Variants in ME3 observed in about 807,000 individuals in gnomAD.
The protein encoded by ME3 is malic enzyme 3, also known as NADP-dependent malic enzyme, mitochondrial.
In ME3, 48 loss-of-function variants were observed where a neutral mutation model predicts 68.9. The observed-to-expected ratio is 0.70, with a 90% CI of 0.55 to 0.89. ME3 has a LOEUF of 0.89. ME3 is among the 40% of genes least tolerant of loss of function. ME3 has a pLI of 0.00. For synonymous variants in ME3, 320 were observed against 318.8 expected, an observed-to-expected ratio of 1.00 and a Z score of -0.04; for missense variants, 675 against 797.4, an observed-to-expected ratio of 0.85 and a Z score of 1.85.
chr11:86,531,411 C>T (rs200026450), intron 4 of ME3, among the ~76,000 whole-genome samples: 6,890 of 152,188 alleles, frequency 0.045, 164 homozygotes, highest in South Asian at 0.099. Context: ...GGACTGTAAA[C>T]TAGTTCAACC....
intron 7 of ME3, among the ~76,000 whole-genome samples, chr11:86,465,653 A>G (rs1164840480): frequency 1.3e-5 from 2 of 151,902 alleles, no homozygotes; most frequent in African/African-American, 2.4e-5. Flanking sequence ...TCCTCCAAAT[A>G]TCTCTCTTGC....
At chr11:86,590,035 A>C (rs1374148417) in intron 2 of ME3, among the ~76,000 whole-genome samples, 1 of 152,114 alleles carries the variant, frequency 6.6e-6, no homozygotes, top group East Asian at 1.9e-4. Flanking sequence ...AGCACTTTAT[A>C]TCTCTTCTGC....
chr11:86,504,000 C>T (rs777786900), intron 5 of ME3, among the ~76,000 whole-genome samples: 2 of 152,234 alleles, frequency 1.3e-5, no homozygotes, highest in Non-Finnish European at 2.9e-5. Context: ...CTGGCCCGCC[C>T]CCTCCTTCCT....
chr11:86,609,144 T>A (rs760159903), intron 2 of ME3, among the ~76,000 whole-genome samples: 27 of 152,360 alleles, frequency 1.8e-4, no homozygotes, highest in Non-Finnish European at 3.7e-4. Flanking sequence ...TAGTGATGCC[T>A]GGATTTGAAC....
At chr11:86,578,312 A>G (rs896002420) in intron 2 of ME3, among the ~76,000 whole-genome samples, 1 of 152,194 alleles carries the variant, frequency 6.6e-6, no homozygotes, top group African/African-American at 2.4e-5. Context: ...GCAGCAGAGA[A>G]CAAGGGAAGT....
intron 2 of ME3, among the ~76,000 whole-genome samples, chr11:86,611,935 ATTTT>A (rs1390236955): frequency 2.0e-5 from 3 of 151,908 alleles, no homozygotes; most frequent in Non-Finnish European, 4.4e-5. Context: ...CTCTTTTTTT[ATTTT>A]TAATTTTTAT....
intron 2 of ME3, among the ~76,000 whole-genome samples, chr11:86,665,335 C>T (rs961095349): frequency 1.2e-4 from 18 of 152,118 alleles, no homozygotes; most frequent in Admixed American, 1.1e-3. Context: ...CATGAATTCA[C>T]ATGTGTCGGT....
chr11:86,625,318 G>C (rs1366805153), intron 2 of ME3, among the ~76,000 whole-genome samples: 1 of 151,822 alleles, frequency 6.6e-6, no homozygotes, highest in Non-Finnish European at 1.5e-5. Context: ...TAAGAATGAA[G>C]ACGCGTAGCT....
intron 2 of ME3, among the ~76,000 whole-genome samples, chr11:86,645,594 C>T (rs1944955680): frequency 1.3e-5 from 2 of 152,158 alleles, no homozygotes; most frequent in Non-Finnish European, 2.9e-5. Flanking sequence ...GGACAGAGCA[C>T]CTGGGGGAAA....
At chr11:86,659,375 G>A (rs1335222550) in intron 2 of ME3, among the ~76,000 whole-genome samples, 3 of 152,222 alleles carry the variant, frequency 2.0e-5, no homozygotes, top group Admixed American at 2.0e-4. Context: ...GTAGGTAGAA[G>A]AGACAGACAT....
chr11:86,645,585 G>C (rs1195887505), intron 2 of ME3, among the ~76,000 whole-genome samples: 1 of 152,190 alleles, frequency 6.6e-6, no homozygotes, highest in East Asian at 1.9e-4. Context: ...ATCTCCCTGG[G>C]ACAGAGCACC....
At chr11:86,512,071 C>G (rs56870689) in intron 4 of ME3, among the ~76,000 whole-genome samples, 3,199 of 152,276 alleles carry the variant, frequency 0.021, 106 homozygotes, top group African/African-American at 0.073. Context: ...GCCACTCCCT[C>G]CTCTCAGCTG....
intron 5 of ME3, among the ~76,000 whole-genome samples, chr11:86,502,825 G>A (rs1952817378): frequency 6.6e-6 from 1 of 152,134 alleles, no homozygotes; most frequent in Non-Finnish European, 1.5e-5. Context: ...TCAGACCTAA[G>A]GCCTTTTCTG....
chr11:86,541,195 A>G (rs1469683070), intron 4 of ME3, among the ~76,000 whole-genome samples: 1 of 152,158 alleles, frequency 6.6e-6, no homozygotes, highest in Non-Finnish European at 1.5e-5. Flanking sequence ...CTAGGTTTCA[A>G]GCACAAAACT....
At chr11:86,455,771 T>A (rs1490284682) in intron 8 of ME3, among the ~76,000 whole-genome samples, 3 of 152,234 alleles carry the variant, frequency 2.0e-5, no homozygotes, top group Non-Finnish European at 4.4e-5. Flanking sequence ...ATCTACTTTT[T>A]TATCTAACCT....
At chr11:86,665,998 A>G (rs911836346) in intron 2 of ME3, among the ~76,000 whole-genome samples, 1 of 152,138 alleles carries the variant, frequency 6.6e-6, no homozygotes, top group African/African-American at 2.4e-5. Flanking sequence ...GGATATAGAG[A>G]AACAGATAAA....
chr11:86,653,607 G>C (rs1945633522), intron 2 of ME3, among the ~76,000 whole-genome samples: 1 of 152,160 alleles, frequency 6.6e-6, no homozygotes, highest in Non-Finnish European at 1.5e-5. Flanking sequence ...TGCGTAGAGG[G>C]AAATTTATAG....
chr11:86,487,891 T>G (rs1296268817), intron 6 of ME3, among the ~76,000 whole-genome samples: 1 of 152,224 alleles, frequency 6.6e-6, no homozygotes, highest in Non-Finnish European at 1.5e-5. Context: ...CAAAAATGAC[T>G]TCAAGGCCTG....
chr11:86,462,867 C>T (rs1202950487), intron 8 of ME3, among the ~76,000 whole-genome samples: 3 of 151,986 alleles, frequency 2.0e-5, no homozygotes, highest in Admixed American at 6.6e-5. Context: ...GGCAGGAGAC[C>T]CTGGAGCTGG....
Sources: gnomAD v4.1 joint callset for allele counts (sites outside exome capture counted in the v4.1 genomes callset) on GRCh38, gnomAD v4.1.1 for gene constraint, MANE v1.5 for transcripts, NCBI Gene and HGNC (gene_info 2026-07-23, HGNC 2026-07-21) for gene names.